The following KIDINS220 variants were observed in gnomAD, a reference collection of about 807,000 sequenced individuals.
KIDINS220 encodes kinase D interacting substrate 220.
In KIDINS220, 63 loss-of-function variants were observed where a neutral mutation model predicts 157.6. The ratio of observed to expected loss-of-function variants is 0.40; its 90% CI spans 0.33 to 0.49. The LOEUF (loss-of-function observed/expected upper bound fraction) is 0.49. Ranked by LOEUF, KIDINS220 falls within the 20% of genes least tolerant of loss-of-function variation. The probability of loss-of-function intolerance (pLI) is 0.66; values close to 1 mark genes in which losing one functional copy is unlikely to be tolerated. For missense variants in KIDINS220, 1,772 were observed against 2,171.2 expected (o/e 0.82, Z 3.65); for synonymous variants, 732 against 783.6 (o/e 0.93, Z 1.10).
In KIDINS220 at chr2:8,729,788, AC is replaced by A. The variant is rs370647612; in HGVS notation, c.*931del. The stretch of plus-strand genomic sequence containing the variant: ...CCTTGTCATTTATCAATTGTCACTG[AC>A]CTTTTTGATGTAATTATTTCCTCAT... On this transcript the variant is annotated 3_prime_UTR_variant, in exon 30 of 30. Transcript: ENST00000256707. The A allele has an allele frequency of 7.1e-6, 7 of 982,274 alleles. 1 individual carries two copies. In the African/African-American group the frequency reaches 1.2e-4, roughly 17 times the overall value. 60.8% of individuals were successfully genotyped at this position (982,274 alleles called of 1,614,324 possible). A position where few individuals can be genotyped will look rare whatever the true frequency, so the allele number is the denominator to read the frequency against.
intron 1 of KIDINS220, among the ~76,000 whole-genome samples, chr2:8,835,260 G>C (rs1478332133): frequency 6.6e-6 from 1 of 152,142 alleles, no homozygotes; most frequent in East Asian, 1.9e-4. Context: ...TTAAATAACT[G>C]CATAGGTATG....
In KIDINS220 at chr2:8,742,174, A is replaced by G. The variant is rs539573609; in HGVS notation, c.3585+4971T>C. 9.2e-5 allele frequency among the ~76,000 whole-genome samples: 14 copies of G among 152,052 alleles called. No individual in the cohort carries two copies. The South Asian group carries it at 2.9e-3, about 32-fold the overall frequency. On this transcript the variant is annotated intron_variant, in intron 26 of 29. Coordinates refer to ENST00000256707, the MANE Select transcript of KIDINS220 (RefSeq NM_020738.4). Reference sequence around the variant, plus strand: ...CTGCTCTGTCACCACGCTGGGGTGCAGTGCTGTGATCTTGGCACTCAACTG... The same window carrying G: ...CTGCTCTGTCACCACGCTGGGGTGCGGTGCTGTGATCTTGGCACTCAACTG...
intron 15 of KIDINS220, among the ~76,000 whole-genome samples, chr2:8,787,972 C>T (rs1414611384): frequency 6.6e-6 from 1 of 152,190 alleles, no homozygotes; most frequent in Non-Finnish European, 1.5e-5. Context: ...GGGAAGCTCT[C>T]TGGGGACCAA....
chr2:8,733,372 C>T, intron 29 of KIDINS220, 72 bp downstream of exon 29: 1 of 1,248,250 alleles, frequency 8.0e-7, no homozygotes, highest in Admixed American at 1.9e-5. Flanking sequence ...TGTCTAAATG[C>T]CCATATAATC....
chr2:8,750,986 T>A (rs1667272050), intron 23 of KIDINS220, among the ~76,000 whole-genome samples: 1 of 152,190 alleles, frequency 6.6e-6, no homozygotes, highest in Non-Finnish European at 1.5e-5. Context: ...TCCAAAGCCT[T>A]AATGTCACTA....
chr2:8,796,496 A>G (rs1005472337), intron 11 of KIDINS220, among the ~76,000 whole-genome samples: 1 of 152,200 alleles, frequency 6.6e-6, no homozygotes. Flanking sequence ...ACCCTGATGA[A>G]GGCAGAGCCT....
In KIDINS220 at chr2:8,800,677, T is replaced by C. The variant is rs78679547; in HGVS notation, c.802-179A>G. ...TATGAATATCTGATATTAACAGATA[T>C]CAGAGTAAGGGACAGAGGACTTTAT... On this transcript the variant is annotated intron_variant, in intron 8 of 29. Transcript: ENST00000256707. Among the ~76,000 whole-genome samples, 5,351 of 152,228 alleles carry C rather than the reference T, an allele frequency of 0.035. 318 individuals are homozygous for C. The highest frequency in any genetic ancestry group is 0.12 in the African/African-American group (4,911 of 41,502).
chr2:8,798,084 G>C (rs2148309924), intron 10 of KIDINS220, 118 bp downstream of exon 10: 1 of 626,094 alleles, frequency 1.6e-6, no homozygotes, highest in East Asian at 2.8e-5. Context: ...ATGTGATAGA[G>C]AATATTACCA....
intron 4 of KIDINS220, among the ~76,000 whole-genome samples, chr2:8,814,049 G>A (rs1197081931): frequency 6.6e-6 from 1 of 152,150 alleles, no homozygotes; most frequent in Non-Finnish European, 1.5e-5. Flanking sequence ...TTCAACTCCT[G>A]CATTTGAACA....
chr2:8,726,250 C>T (rs969499327), downstream of KIDINS220, among the ~76,000 whole-genome samples: 14 of 152,158 alleles, frequency 9.2e-5, no homozygotes, highest in African/African-American at 2.7e-4. Context: ...TACAGCTACC[C>T]GGGCCCCACT....
At chr2:8,808,173 T>C (rs1211891282) in intron 6 of KIDINS220, among the ~76,000 whole-genome samples, 1 of 152,070 alleles carries the variant, frequency 6.6e-6, no homozygotes, top group South Asian at 2.1e-4. Context: ...ACTTCATTCC[T>C]GCATCTGTGG....
intron 22 of KIDINS220, among the ~76,000 whole-genome samples, chr2:8,759,403 T>C (rs115326787): frequency 1.6e-3 from 239 of 151,796 alleles, no homozygotes; most frequent in African/African-American, 5.6e-3. Flanking sequence ...CGAGGGTGTA[T>C]ATCTCCAAGA....
chr2:8,744,363 CAAAAAAAAAAAAAAA>C (rs547083543), intron 26 of KIDINS220, among the ~76,000 whole-genome samples: 42 of 9,270 alleles, frequency 4.5e-3, no homozygotes, highest in African/African-American at 6.9e-3. Context: ...TTCCTCATGG[CAAAAAAAAAAAAAAA>C]AAAAAAAAAA....
intron 17 of KIDINS220, among the ~76,000 whole-genome samples, chr2:8,781,466 C>T (rs1196729469): frequency 6.6e-6 from 1 of 151,682 alleles, no homozygotes; most frequent in African/African-American, 2.4e-5. Context: ...AAACAGAATA[C>T]ACATTCTTTT....
chr2:8,818,675 T>C lies in KIDINS220; in HGVS notation c.207+20A>G, dbSNP rs1302827382. On this transcript the variant is annotated intron_variant, in intron 3 of 29. Transcript: ENST00000256707. ...AAGAAAAAAGTGAGTAAATGATGAG[T>C]AAATTATTTTAATATATACCAAATC... The C allele has an allele frequency of 1.5e-6, 2 of 1,357,344 alleles. No individual in the cohort carries two copies. The highest frequency in any genetic ancestry group is 1.5e-5 in the African/African-American group (1 of 68,614). The allele number at this position is 1,357,344 out of a possible 1,614,324, so 84.1% of individuals were successfully genotyped here.
At chr2:8,779,563 A>G in intron 18 of KIDINS220, 111 bp downstream of exon 18, 1 of 1,106,280 alleles carries the variant, frequency 9.0e-7, no homozygotes, top group South Asian at 1.8e-5. Flanking sequence ...CAAAATAGGA[A>G]CTACTCAAAC....
intron 26 of KIDINS220, among the ~76,000 whole-genome samples, chr2:8,744,814 A>G (rs1222843281): frequency 6.6e-6 from 1 of 152,150 alleles, no homozygotes; most frequent in Non-Finnish European, 1.5e-5. Context: ...GCTTCGACAA[A>G]ACAAATTTTA....
At chr2:8,781,531 G>A (rs958189633) in intron 17 of KIDINS220, among the ~76,000 whole-genome samples, 1 of 151,752 alleles carries the variant, frequency 6.6e-6, no homozygotes, top group East Asian at 1.9e-4. Flanking sequence ...CATAAAACAC[G>A]CCATAACAAA....
chr2:8,746,473 TTTTG>T lies in KIDINS220; in HGVS notation c.3585+668_3585+671del, dbSNP rs746444752. 4 of 112,114 alleles carry T rather than the reference TTTTG, an allele frequency of 3.6e-5. No homozygotes were observed. In the East Asian group the frequency reaches 8.8e-4, roughly 25 times the overall value. The allele number at this position is 112,114 out of a possible 1,614,324, so 6.9% of individuals were successfully genotyped here. On this transcript the variant is annotated intron_variant, in intron 26 of 29. Coordinates refer to ENST00000256707, the MANE Select transcript of KIDINS220 (RefSeq NM_020738.4). The stretch of plus-strand genomic sequence containing the variant: ...TTCTGTTTATTTTTTGTTTTTTTCT[TTTTG>T]TTTTTTTTTTTTAAAGAAACCTACC...
Sources: gnomAD v4.1 joint callset for allele counts (sites outside exome capture counted in the v4.1 genomes callset) on GRCh38, gnomAD v4.1.1 for gene constraint, MANE v1.5 for transcripts, NCBI Gene and HGNC (gene_info 2026-07-23, HGNC 2026-07-21) for gene names.